FLRT1: variants seen among roughly 807,000 people sequenced by gnomAD.
FLRT1 encodes the protein fibronectin leucine rich transmembrane protein 1, also known as leucine-rich repeat transmembrane protein FLRT1.
FLRT1 carries 14 observed loss-of-function variants against 30.9 expected under a neutral mutation model. That is an observed-to-expected ratio of 0.45 (90% confidence interval 0.30 to 0.71). FLRT1 has a LOEUF of 0.71. Among genes scored for constraint, FLRT1 ranks in the 30% least tolerant of loss-of-function variants. FLRT1 has a pLI of 0.08. For missense variants in FLRT1, 737 were observed against 949.2 expected (o/e 0.78, Z 2.94); for synonymous variants, 368 against 430.4 (o/e 0.85, Z 1.80).
chr11:64,104,475 G>C (rs1456948158), intron 2 of FLRT1, among the ~76,000 whole-genome samples: 2 of 152,080 alleles, frequency 1.3e-5, no homozygotes. Flanking sequence ...GCCTCTCCTG[G>C]AGTAAATGGC....
intron 1 of FLRT1, among the ~76,000 whole-genome samples, chr11:64,056,766 G>A (rs1054979143): frequency 3.3e-5 from 5 of 152,286 alleles, no homozygotes; most frequent in African/African-American, 1.2e-4. Flanking sequence ...GGTGTGGGAT[G>A]GGGTAGTGCG....
At chr11:64,057,932 A>G (rs999832247) in intron 1 of FLRT1, among the ~76,000 whole-genome samples, 1 of 152,084 alleles carries the variant, frequency 6.6e-6, no homozygotes, top group Middle Eastern at 3.2e-3. Flanking sequence ...TTTTCTTTCC[A>G]CTGTGCCACC....
rs566500041 is a variant in FLRT1, at chr11:64,103,759, C to A, written c.-472C>A. On this transcript the variant is annotated 5_prime_UTR_variant, in exon 2 of 3. Transcript: ENST00000682287. ...GTGCCAGGCCACAGGGCATGCCCGA[C>A]GAACAGGGAGTCGGAACCCCCTCAG... 6.6e-6 allele frequency: 1 copy of A among 152,292 alleles called. No homozygotes were observed. The highest frequency in any genetic ancestry group is 2.4e-5 in the African/African-American group (1 of 41,446). 9.4% of individuals were successfully genotyped at this position (152,292 alleles called of 1,614,324 possible).
intron 2 of FLRT1, among the ~76,000 whole-genome samples, chr11:64,111,361 A>C (rs1183289769): frequency 1.3e-5 from 2 of 152,212 alleles, no homozygotes; most frequent in African/African-American, 2.4e-5. Flanking sequence ...TCCTAGACTC[A>C]GACTTGACCC....
chr11:64,071,820 T>A (rs1416614894), intron 1 of FLRT1, among the ~76,000 whole-genome samples: 1 of 152,062 alleles, frequency 6.6e-6, no homozygotes, highest in East Asian at 1.9e-4. Context: ...GATGGATCTT[T>A]AAGGGGCATC....
At chr11:64,054,398 G>A (rs1402897937) in intron 1 of FLRT1, among the ~76,000 whole-genome samples, 1 of 152,172 alleles carries the variant, frequency 6.6e-6, no homozygotes. Flanking sequence ...AGCCTGATAG[G>A]CTTTGAGCTC....
At chr11:64,076,551 T>C (rs956828322) in intron 1 of FLRT1, among the ~76,000 whole-genome samples, 13 of 152,154 alleles carry the variant, frequency 8.5e-5, no homozygotes. Flanking sequence ...TAGTTGCTTC[T>C]CTAAGTTCTC....
chr11:64,117,530 C>T lies in FLRT1; in HGVS notation c.1263C>T (p.Leu421=), dbSNP rs1388570459. The T allele has an allele frequency of 6.2e-7, 1 of 1,603,340 alleles. No homozygotes were observed. Among genetic ancestry groups the T allele is most frequent in the Non-Finnish European group, 8.5e-7 (1 of 1,173,128 alleles). ...AGGCCAAAAGGCCAGGGCTGCGCCT[C>T]CCCGACTCCAACATTGACTACCCCA... ...TLKAKRPGLR[L]PDSNIDYPMA... Residue 421 remains leucine, a synonymous_variant, in exon 3 of 3, where the codon CTC becomes CTT. Coordinates refer to ENST00000682287, the MANE Select transcript of FLRT1 (RefSeq NM_013280.5).
chr11:64,073,047 C>T (rs1944137871), intron 1 of FLRT1, among the ~76,000 whole-genome samples: 1 of 152,176 alleles, frequency 6.6e-6, no homozygotes, highest in Non-Finnish European at 1.5e-5. Context: ...CCAGCAGGCC[C>T]AGCTCCTGAC....
chr11:64,063,444 G>T (rs943425054), intron 1 of FLRT1, among the ~76,000 whole-genome samples: 2 of 152,094 alleles, frequency 1.3e-5, no homozygotes, highest in South Asian at 4.1e-4. Context: ...GACTTCCAGG[G>T]GTGGCGAATT....
intron 2 of FLRT1, among the ~76,000 whole-genome samples, chr11:64,109,191 A>G (rs1292795624): frequency 6.6e-6 from 1 of 152,116 alleles, no homozygotes; most frequent in East Asian, 1.9e-4. Flanking sequence ...CTCCTGGGAC[A>G]TGCCTGTGAA....
At chr11:64,094,410 G>A (rs989800423) in intron 1 of FLRT1, among the ~76,000 whole-genome samples, 2 of 149,466 alleles carry the variant, frequency 1.3e-5, no homozygotes, top group Non-Finnish European at 3.0e-5. Flanking sequence ...CAGCCTGGGC[G>A]ACAGAGTGAG....
chr11:64,081,113 C>T (rs921910392), intron 1 of FLRT1, among the ~76,000 whole-genome samples: 28 of 152,174 alleles, frequency 1.8e-4, no homozygotes, highest in African/African-American at 6.8e-4. Context: ...CCTCCACCTC[C>T]CAGGTTCAGA....
rs999434228 is a variant in FLRT1, at chr11:64,118,189, C to T, written c.1922C>T (p.Ser641Phe). 6.2e-7 allele frequency: 1 copy of T among 1,613,322 alleles called. No individual in the cohort carries two copies. Among genetic ancestry groups the T allele is most frequent in the South Asian group, 1.1e-5 (1 of 91,086 alleles). Residue 641 changes from serine to phenylalanine, a missense_variant, in exon 3 of 3, where the codon TCC (serine) becomes TTC (phenylalanine). Coordinates refer to ENST00000682287, the MANE Select transcript of FLRT1 (RefSeq NM_013280.5). ...TACGTGGTCCACACTATCTTCCCCT[C>T]CAACGGCAGCAGCCTCTGCAAGGCC... ...EEYVVHTIFP[S>F]NGSSLCKATH...
chr11:64,079,412 G>A (rs1046234729), intron 1 of FLRT1, among the ~76,000 whole-genome samples: 3 of 152,048 alleles, frequency 2.0e-5, no homozygotes, highest in South Asian at 2.1e-4. Flanking sequence ...GGGATGGGGG[G>A]GTGTGCGAAG....
intron 1 of FLRT1, among the ~76,000 whole-genome samples, chr11:64,050,109 G>C (rs981104521): frequency 1.3e-5 from 2 of 152,094 alleles, no homozygotes; most frequent in Admixed American, 6.5e-5. Flanking sequence ...CCAGGCCCTC[G>C]GTCCTTATGC....
intron 1 of FLRT1, among the ~76,000 whole-genome samples, chr11:64,079,330 C>T (rs563278971): frequency 6.6e-6 from 1 of 151,512 alleles, no homozygotes; most frequent in African/African-American, 2.4e-5. Flanking sequence ...CAGGGGTCTG[C>T]CCTCTGGGAG....
At chr11:64,080,213 A>T (rs1392054860) in intron 1 of FLRT1, among the ~76,000 whole-genome samples, 1 of 152,070 alleles carries the variant, frequency 6.6e-6, no homozygotes, top group African/African-American at 2.4e-5. Flanking sequence ...GGGTATCAAC[A>T]TGTTGGCCAG....
In FLRT1 at chr11:64,049,743, G is replaced by A. The variant is rs151002113; in HGVS notation, c.-1038+13584G>A. On this transcript the variant is annotated intron_variant, in intron 1 of 2. Transcript: ENST00000682287. ...CAGTGTCTTGCCTTCTCATCCTGAGGGGGATCGGTTTCTCCATCTGTGAAA... is the reference window on the plus strand; with the variant it reads ...CAGTGTCTTGCCTTCTCATCCTGAGAGGGATCGGTTTCTCCATCTGTGAAA... Among the ~76,000 whole-genome samples, 13 of 152,354 alleles carry A rather than the reference G, an allele frequency of 8.5e-5. No homozygotes were observed. In the East Asian group the frequency reaches 2.5e-3, roughly 29 times the overall value.
Sources: gnomAD v4.1 joint callset for allele counts (sites outside exome capture counted in the v4.1 genomes callset) on GRCh38, gnomAD v4.1.1 for gene constraint, MANE v1.5 for transcripts, NCBI Gene and HGNC (gene_info 2026-07-23, HGNC 2026-07-21) for gene names.